The following SDK1 variants were observed in gnomAD, a reference collection of about 807,000 sequenced individuals.
The protein encoded by SDK1 is sidekick cell adhesion molecule 1, also known as protein sidekick-1.
SDK1 carries 157 observed loss-of-function variants against 245.5 expected under a neutral mutation model. That is an observed-to-expected ratio of 0.64 (90% CI 0.56 to 0.73). The LOEUF (loss-of-function observed/expected upper bound fraction) is 0.73. Ranked by LOEUF, SDK1 falls within the 30% of genes least tolerant of loss-of-function variation. The probability of loss-of-function intolerance (pLI) is 0.00; values close to 1 mark genes in which losing one functional copy is unlikely to be tolerated. For missense variants in SDK1, 3,583 were observed against 3,002.3 expected (o/e 1.19, Z -4.52); for synonymous variants, 1,647 against 1,278.5 (o/e 1.29, Z -6.15).
chr7:3,376,880 T>A (rs1031881799), intron 1 of SDK1, among the ~76,000 whole-genome samples: 2 of 152,156 alleles, frequency 1.3e-5, no homozygotes, highest in South Asian at 2.1e-4. Context: ...TCCCCTTCTA[T>A]TGTCTCTCTT....
At chr7:3,570,495 C>G (rs1194945510) in intron 1 of SDK1, among the ~76,000 whole-genome samples, 1 of 152,116 alleles carries the variant, frequency 6.6e-6, no homozygotes, top group Non-Finnish European at 1.5e-5. Context: ...GGATCCCTGC[C>G]TTAACTAAGG....
At chr7:3,898,982 T>C (rs1277233710) in intron 5 of SDK1, among the ~76,000 whole-genome samples, 1 of 152,238 alleles carries the variant, frequency 6.6e-6, no homozygotes, top group Non-Finnish European at 1.5e-5. Flanking sequence ...CCCAATTCTA[T>C]AGTAAGGTGA....
At chr7:3,522,344 G>C (rs141219623) in intron 1 of SDK1, among the ~76,000 whole-genome samples, 2 of 152,288 alleles carry the variant, frequency 1.3e-5, no homozygotes, top group South Asian at 2.1e-4. Context: ...GGATCACCCA[G>C]CATGTCAGTG....
At chr7:3,479,912 C>T (rs1320497455) in intron 1 of SDK1, among the ~76,000 whole-genome samples, 2 of 150,940 alleles carry the variant, frequency 1.3e-5, no homozygotes, top group Admixed American at 1.3e-4. Context: ...CTCTAATTTT[C>T]TCCTAGTTCT....
rs116109823 is a variant in SDK1, at chr7:4,106,948, T to C, written c.3325-3715T>C. Among the ~76,000 whole-genome samples, 1,278 of 151,804 alleles carry C rather than the reference T, an allele frequency of 8.4e-3. 10 individuals are homozygous for C. Among genetic ancestry groups the C allele is most frequent in the African/African-American group, 0.024 (994 of 41,362 alleles). ...GGTCAGGAAGCCCCCAGGCCTCAGG[T>C]GAATGCTTCTGGGGCCAGGAAAGCA... On this transcript the variant is annotated intron_variant, in intron 22 of 44. Transcript: ENST00000404826.
At chr7:4,220,983 C>T (rs961629856) in intron 39 of SDK1, among the ~76,000 whole-genome samples, 1 of 151,004 alleles carries the variant, frequency 6.6e-6, no homozygotes, top group Non-Finnish European at 1.5e-5. Context: ...CAAGTTTTTG[C>T]AATGTTGCCC....
intron 4 of SDK1, among the ~76,000 whole-genome samples, chr7:3,813,332 T>A (rs1420264848): frequency 4.1e-5 from 6 of 144,988 alleles, no homozygotes; most frequent in African/African-American, 1.3e-4. Context: ...TCATTGTTCA[T>A]TTCCCACCTA....
intron 2 of SDK1, among the ~76,000 whole-genome samples, chr7:3,625,941 T>A: frequency 1.0e-5 from 1 of 99,762 alleles, no homozygotes; most frequent in South Asian, 4.6e-4. Context: ...TTCTTTTCTT[T>A]CTTTTTTTTT....
At chr7:3,911,088 C>T (rs927155601) in intron 5 of SDK1, among the ~76,000 whole-genome samples, 5 of 152,178 alleles carry the variant, frequency 3.3e-5, no homozygotes, top group African/African-American at 1.2e-4. Flanking sequence ...ACTAGGGTGG[C>T]CCGGCTGGAG....
In SDK1 at chr7:3,720,904, A is replaced by G. The variant is rs147735894; in HGVS notation, c.713+78799A>G. Among the ~76,000 whole-genome samples, 231 of 152,338 alleles carry G rather than the reference A, an allele frequency of 1.5e-3. 2 individuals carry two copies. Among genetic ancestry groups the G allele is most frequent in the African/African-American group, 5.4e-3 (223 of 41,586 alleles). On this transcript the variant is annotated intron_variant, in intron 4 of 44. Coordinates refer to ENST00000404826, the MANE Select transcript of SDK1 (RefSeq NM_152744.4). ...GTGTAGTACTTCCATTCCATCACAC[A>G]TCGCTCATAATAAGAAGTGATGGGC...
At chr7:3,845,309 G>C (rs573297568) in intron 5 of SDK1, among the ~76,000 whole-genome samples, 1 of 152,058 alleles carries the variant, frequency 6.6e-6, no homozygotes, top group South Asian at 2.1e-4. Context: ...GACCAGCATG[G>C]GGAAACCCTG....
chr7:3,415,624 A>T (rs2128578953), intron 1 of SDK1, among the ~76,000 whole-genome samples: 1 of 151,928 alleles, frequency 6.6e-6, no homozygotes, highest in East Asian at 1.9e-4. Flanking sequence ...AAGGATACCC[A>T]CAAGTCCATG....
intron 1 of SDK1, among the ~76,000 whole-genome samples, chr7:3,601,003 A>G (rs1781237192): frequency 6.6e-6 from 1 of 151,622 alleles, no homozygotes; most frequent in South Asian, 2.1e-4. Context: ...TCCTTATCCC[A>G]TTGATGTGGT....
intron 17 of SDK1, among the ~76,000 whole-genome samples, chr7:4,046,384 T>C (rs937517150): frequency 1.8e-4 from 27 of 152,228 alleles, no homozygotes; most frequent in African/African-American, 6.0e-4. Context: ...CTGAGAAATT[T>C]TTCCCTAACC....
chr7:3,838,943 C>A (rs1402609094), intron 5 of SDK1, among the ~76,000 whole-genome samples: 1 of 152,118 alleles, frequency 6.6e-6, no homozygotes, highest in Non-Finnish European at 1.5e-5. Context: ...CTGCTCGGGC[C>A]CTGAAGGCAT....
At chr7:3,660,168 A>G (rs1324237655) in intron 4 of SDK1, among the ~76,000 whole-genome samples, 1 of 152,194 alleles carries the variant, frequency 6.6e-6, no homozygotes, top group Non-Finnish European at 1.5e-5. Context: ...GAGATTTCAG[A>G]CACAGCAAAG....
At chr7:3,776,893 C>T (rs187899870) in intron 4 of SDK1, among the ~76,000 whole-genome samples, 4 of 152,066 alleles carry the variant, frequency 2.6e-5, no homozygotes, top group East Asian at 1.9e-4. Context: ...TCAAAATCTC[C>T]ATGGTAACAT....
chr7:4,147,950 C>T (rs1005534739), intron 29 of SDK1, among the ~76,000 whole-genome samples: 4 of 152,152 alleles, frequency 2.6e-5, no homozygotes, highest in Admixed American at 6.5e-5. Flanking sequence ...CTTATTTCCC[C>T]GTGTCCTGCC....
rs539354575 is a variant in SDK1, at chr7:3,519,708, G to C, written c.299-99372G>C. 1.1e-3 allele frequency among the ~76,000 whole-genome samples: 174 copies of C among 152,024 alleles called. 1 individual carries two copies. The highest frequency in any genetic ancestry group is 4.0e-3 in the African/African-American group (166 of 41,520). ...CGCATAAAAAATATGTAGAGGATTA[G>C]TAATTTTAAATCCATTTATATTTCC... On this transcript the variant is annotated intron_variant, in intron 1 of 44. Transcript: ENST00000404826.
Sources: allele counts gnomAD v4.1 joint callset (sites outside exome capture counted in the v4.1 genomes callset), GRCh38; gene constraint gnomAD v4.1.1; transcripts MANE v1.5; gene names NCBI Gene and HGNC (gene_info 2026-07-23, HGNC 2026-07-21).